The following RAN variants were observed in gnomAD, a reference collection of about 807,000 sequenced individuals.
The protein encoded by RAN is GTP-binding nuclear protein Ran.
In RAN, 2 loss-of-function variants were observed where a neutral mutation model predicts 26.8. The ratio of observed to expected loss-of-function variants is 0.07; its 90% CI spans 0.03 to 0.23. The LOEUF is 0.23. RAN is among the 10% of genes least tolerant of loss of function. The pLI, the probability that RAN is intolerant of heterozygous loss-of-function variation, is 1.00. For synonymous variants in RAN, 132 were observed against 95.9 expected, an observed-to-expected ratio of 1.38 and a Z score of -2.20; for missense variants, 56 against 264.8, an observed-to-expected ratio of 0.21 and a Z score of 5.47.
rs1478083366 is a variant in RAN, at chr12:130,876,865, T to C, written c.*939T>C. 6.6e-6 allele frequency: 1 copy of C among 152,206 alleles called. No individual in the cohort carries two copies. The highest frequency in any genetic ancestry group is 1.9e-4 in the East Asian group (1 of 5,202). The allele number at this position is 152,206 out of a possible 1,614,324, so 9.4% of individuals were successfully genotyped here. On this transcript the variant is annotated 3_prime_UTR_variant, in exon 7 of 7. Transcript: ENST00000543796. ...ACAGTTTTCAGGTACTCCTAGACTT[T>C]AAAGATGTCTTGAACATTTAAGTTC...
At position 130,876,068 on chromosome 12, in the gene RAN, A is replaced by T; in HGVS notation, c.*142A>T. 1.2e-6 allele frequency: 1 copy of T among 845,532 alleles called. No individual in the cohort carries two copies. The highest frequency in any genetic ancestry group is 1.9e-6 in the Non-Finnish European group (1 of 534,496). The allele number at this position is 845,532 out of a possible 1,614,324, so 52.4% of individuals were successfully genotyped here. A position where few individuals can be genotyped will look rare whatever the true frequency, so the allele number is the denominator to read the frequency against. Reference sequence around the variant, plus strand: ...CATCTGTGGGATGCTGAAGGAGATGAGTGGGCTTCGGAGTGAATGTGGCAG... The same window carrying T: ...CATCTGTGGGATGCTGAAGGAGATGTGTGGGCTTCGGAGTGAATGTGGCAG... On this transcript the variant is annotated 3_prime_UTR_variant, in exon 7 of 7. Transcript: ENST00000543796.
At position 130,872,079 on chromosome 12, in the gene RAN, G is replaced by A; in HGVS notation, c.-58G>A. 9.1e-6 allele frequency: 3 copies of A among 328,908 alleles called. No individual in the cohort carries two copies. The highest frequency in any genetic ancestry group is 2.2e-5 in the South Asian group (1 of 46,464). The allele number at this position is 328,908 out of a possible 1,614,324, so 20.4% of individuals were successfully genotyped here. On this transcript the variant is annotated 5_prime_UTR_variant, in exon 1 of 7. Transcript: ENST00000543796. ...TCTCCGGCGTTTGAATTGCGCTTCC[G>A]CCATCTTTCCAGCCTCAGTCGGACG...
At position 130,872,136 on chromosome 12, in the gene RAN, C is replaced by A; in HGVS notation, c.-11+10C>A. 1 of 231,394 alleles carries A rather than the reference C, an allele frequency of 4.3e-6. No homozygotes were observed. Among genetic ancestry groups the A allele is most frequent in the South Asian group, 3.7e-5 (1 of 26,680 alleles). 14.3% of individuals were successfully genotyped at this position (231,394 alleles called of 1,614,324 possible). A position where few individuals can be genotyped will look rare whatever the true frequency, so the allele number is the denominator to read the frequency against. Reference sequence around the variant, plus strand: ...GAGACGCTTCTGGAAGGTATCGCGACCCGGCGGGCCCGGCACGGCCGGGCG... The same window carrying A: ...GAGACGCTTCTGGAAGGTATCGCGAACCGGCGGGCCCGGCACGGCCGGGCG... On this transcript the variant is annotated intron_variant, in intron 1 of 6. Coordinates refer to ENST00000543796, the MANE Select transcript of RAN (RefSeq NM_006325.5).
intron 4 of RAN, chr12:130,874,104 C>T (rs1232430132): frequency 6.9e-6 from 2 of 288,370 alleles, no homozygotes; most frequent in East Asian, 2.4e-4. Context: ...CCACCTCAGC[C>T]TCTCAAAGTG....
At chr12:130,872,748 T>G in intron 2 of RAN, 88 bp from the exon 3 acceptor site, 2 of 1,575,442 alleles carry the variant, frequency 1.3e-6, no homozygotes, top group Non-Finnish European at 1.7e-6. Flanking sequence ...TTGTTTTAAG[T>G]GAGCCTGTGG....
rs1953233381 is a variant in RAN, at chr12:130,876,038, T to G, written c.*112T>G. The G allele has an allele frequency of 1.3e-5, 14 of 1,101,450 alleles. No homozygotes were observed. The South Asian group carries it at 1.7e-4, about 14-fold the overall frequency. The allele number at this position is 1,101,450 out of a possible 1,614,324, so 68.2% of individuals were successfully genotyped here. ...TTATTATCTAGCTAAGCGGAACATGTGCTTCATCTGTGGGATGCTGAAGGA... is the reference window on the plus strand; with the variant it reads ...TTATTATCTAGCTAAGCGGAACATGGGCTTCATCTGTGGGATGCTGAAGGA... On this transcript the variant is annotated 3_prime_UTR_variant, in exon 7 of 7. Coordinates refer to ENST00000543796, the MANE Select transcript of RAN (RefSeq NM_006325.5).
Position 130,873,135 on chromosome 12 carries a change from A to G in RAN, c.247+7A>G. 6.2e-7 allele frequency: 1 copy of G among 1,614,154 alleles called. No homozygotes were observed. Among genetic ancestry groups the G allele is most frequent in the Non-Finnish European group, 8.5e-7 (1 of 1,179,996 alleles). ...GATGGCTATTATATCCAAGGTAGGCATTTGTAACTTGCTGAACGGTTTTTG... is the reference window on the plus strand; with the variant it reads ...GATGGCTATTATATCCAAGGTAGGCGTTTGTAACTTGCTGAACGGTTTTTG... On this transcript the variant is annotated splice_region_variant and intron_variant, in intron 4 of 6. Coordinates refer to ENST00000543796, the MANE Select transcript of RAN (RefSeq NM_006325.5).
chr12:130,876,589 A>G lies in RAN; in HGVS notation c.*663A>G, dbSNP rs1357369015. On this transcript the variant is annotated 3_prime_UTR_variant, in exon 7 of 7. Coordinates refer to ENST00000543796, the MANE Select transcript of RAN (RefSeq NM_006325.5). Reference sequence around the variant, plus strand: ...GGTCACCTAGGGAAGCACTTGCTCAAAATCTGTGACCTGTCAGAATAAAAA... The same window carrying G: ...GGTCACCTAGGGAAGCACTTGCTCAGAATCTGTGACCTGTCAGAATAAAAA... The G allele has an allele frequency of 1.3e-5, 2 of 152,344 alleles. No homozygotes were observed. The highest frequency in any genetic ancestry group is 2.9e-5 in the Non-Finnish European group (2 of 68,168). 9.4% of individuals were successfully genotyped at this position (152,344 alleles called of 1,614,324 possible).
intron 5 of RAN, 24 bp downstream of exon 5, chr12:130,874,757 A>G (rs1953206342): frequency 1.3e-6 from 2 of 1,572,818 alleles, no homozygotes; most frequent in African/African-American, 2.7e-5. Context: ...AAACTTCCTG[A>G]GTTATTTCTC....
chr12:130,872,664 C>G lies in RAN; in HGVS notation c.36+35C>G, dbSNP rs1272764193. ...CCTGCGGGGCGGGAGGCGGCCGAGC[C>G]CGACCGCGTGCGACTCGCGGGTCCC... On this transcript the variant is annotated intron_variant, in intron 2 of 6. Transcript: ENST00000543796. 4.6e-6 allele frequency: 7 copies of G among 1,525,024 alleles called. No individual in the cohort carries two copies. In the South Asian group the frequency reaches 8.9e-5, roughly 19 times the overall value. 94.5% of individuals were successfully genotyped at this position (1,525,024 alleles called of 1,614,324 possible). A position where few individuals can be genotyped will look rare whatever the true frequency, so the allele number is the denominator to read the frequency against.
chr12:130,872,935 A>T lies in RAN; in HGVS notation c.121+15A>T. 1.2e-6 allele frequency: 2 copies of T among 1,614,128 alleles called. No homozygotes were observed. The highest frequency in any genetic ancestry group is 1.7e-6 in the Non-Finnish European group (2 of 1,180,024). On this transcript the variant is annotated intron_variant, in intron 3 of 6. Coordinates refer to ENST00000543796, the MANE Select transcript of RAN (RefSeq NM_006325.5). ...GAAGTATGTAGGTATGTGCTGGAAA[A>T]CCTTGCTTGTGGAAATATGTGAGAA... is the stretch of plus-strand genomic sequence containing the variant.
chr12:130,875,508 T>C (rs954251198), intron 5 of RAN, 104 bp from the exon 6 acceptor site: 19 of 1,114,068 alleles, frequency 1.7e-5, no homozygotes, highest in East Asian at 2.6e-5. Flanking sequence ...TGAGCCACCA[T>C]GCCTTGCCAA....
intron 4 of RAN, chr12:130,874,327 A>G: frequency 2.1e-6 from 1 of 469,582 alleles, no homozygotes; most frequent in Non-Finnish European, 3.7e-6. Flanking sequence ...TTAATGGTGA[A>G]GTATATCAGG....
chr12:130,874,437 A>C, intron 4 of RAN, 109 bp from the exon 5 acceptor site: 1 of 777,480 alleles, frequency 1.3e-6, no homozygotes, highest in Non-Finnish European at 2.0e-6. Flanking sequence ...GATACAGGTG[A>C]CTCGTTGAGG....
chr12:130,874,330 A>G (rs1176221187), intron 4 of RAN: 2 of 483,816 alleles, frequency 4.1e-6, no homozygotes, highest in South Asian at 3.5e-5. Context: ...ATGGTGAAGT[A>G]TATCAGGGAG....
rs146874455 is a variant in RAN at position 130,873,534 on chromosome 12, A to C, written c.247+406A>C. On this transcript the variant is annotated intron_variant, in intron 4 of 6. Transcript: ENST00000543796. The stretch of plus-strand genomic sequence containing the variant: ...CCAGAGGAGATAGGAGATCTTAACA[A>C]GTGTTATACAAGACTAGCTGATTTC... 10 of 187,284 alleles carry C rather than the reference A, an allele frequency of 5.3e-5. No homozygotes were observed. The East Asian group carries it at 1.4e-3, about 26-fold the overall frequency. 11.6% of individuals were successfully genotyped at this position (187,284 alleles called of 1,614,324 possible).
Position 130,875,638 on chromosome 12 carries a change from C to T in RAN, c.462C>T (p.Asn154=), listed in dbSNP as rs1953225585. 6.2e-7 allele frequency: 1 copy of T among 1,608,640 alleles called. No individual in the cohort carries two copies. Among genetic ancestry groups the T allele is most frequent in the Non-Finnish European group, 8.5e-7 (1 of 1,178,468 alleles). The change falls in exon 6 of 7, where the codon AAC becomes AAT. Residue 154 remains asparagine, a synonymous_variant. Transcript: ENST00000543796. ...ACTACGACATTTCTGCCAAAAGTAA[C>T]TACAACTTTGAAAAGCCCTTCCTCT... ...LQYYDISAKS[N]YNFEKPFLWL... is the part of the protein sequence containing the mutation.
Position 130,872,113 on chromosome 12 carries a change from GA to G in RAN, c.-23del, listed in dbSNP as rs1374513035. 1 of 311,066 alleles carries G rather than the reference GA, an allele frequency of 3.2e-6. No individual in the cohort carries two copies. The highest frequency in any genetic ancestry group is 1.6e-4 in the East Asian group (1 of 6,222). 19.3% of individuals were successfully genotyped at this position (311,066 alleles called of 1,614,324 possible). On this transcript the variant is annotated 5_prime_UTR_variant, in exon 1 of 7. Coordinates refer to ENST00000543796, the MANE Select transcript of RAN (RefSeq NM_006325.5). ...CCAGCCTCAGTCGGACGGGCGCGGA[GA>G]CGCTTCTGGAAGGTATCGCGACCCG...
chr12:130,872,560 C>T (rs1167648794), intron 1 of RAN, 24 bp from the exon 2 acceptor site: 5 of 1,444,172 alleles, frequency 3.5e-6, no homozygotes, highest in Non-Finnish European at 4.5e-6. Flanking sequence ...CGCGAGCGCT[C>T]GCCTCCGTCC....
Sources: gnomAD v4.1 joint callset for allele counts on GRCh38, gnomAD v4.1.1 for gene constraint, MANE v1.5 for transcripts, NCBI Gene and HGNC (gene_info 2026-07-23, HGNC 2026-07-21) for gene names.